Variants in MLC1 observed in about 807,000 individuals in gnomAD.
MLC1 encodes membrane protein MLC1.
MLC1 carries 32 observed loss-of-function variants against 44.7 expected under a neutral mutation model. The ratio of observed to expected loss-of-function variants is 0.72; its 90% CI spans 0.54 to 0.96. The LOEUF is 0.96. MLC1 is among the 40% of genes least tolerant of loss of function. The probability of loss-of-function intolerance (pLI) is 0.00; values close to 1 mark genes in which losing one functional copy is unlikely to be tolerated. For synonymous variants in MLC1, 190 were observed against 213.0 expected, an observed-to-expected ratio of 0.89 and a Z score of 0.94; for missense variants, 459 against 492.2, an observed-to-expected ratio of 0.93 and a Z score of 0.64.
chr22:50,070,616 GA>G, intron 8 of MLC1, 33 bp from the exon 9 acceptor site: 8 of 1,544,982 alleles, frequency 5.2e-6, no homozygotes, highest in Non-Finnish European at 7.0e-6. Flanking sequence ...GATTTTAGAG[GA>G]AATAGTCGAA....
At chr22:50,078,128 G>A (rs1399144729) in intron 5 of MLC1, among the ~76,000 whole-genome samples, 2 of 151,644 alleles carry the variant, frequency 1.3e-5, no homozygotes, top group Non-Finnish European at 2.9e-5. Context: ...AGTAAGCTGG[G>A]GTTACAGGCA....
intron 1 of MLC1, 67 bp downstream of exon 1, chr22:50,085,288 A>G (rs2062254375): frequency 4.3e-6 from 4 of 937,456 alleles, no homozygotes; most frequent in African/African-American, 1.7e-5. Context: ...AAACTGCTCC[A>G]ATTGGTAGCT....
chr22:50,077,578 C>G, intron 5 of MLC1, 76 bp from the exon 6 acceptor site: 1 of 1,231,618 alleles, frequency 8.1e-7, no homozygotes, highest in Non-Finnish European at 1.2e-6. Context: ...CACCGGACCA[C>G]CTCACGGGCA....
At chr22:50,069,515 G>C (rs546713680) in intron 9 of MLC1, among the ~76,000 whole-genome samples, 1 of 151,326 alleles carries the variant, frequency 6.6e-6, no homozygotes, top group East Asian at 2.0e-4. Flanking sequence ...GTGTGGTGGC[G>C]CATGCCTGTA....
At chr22:50,071,568 C>T (rs1044836738) in intron 8 of MLC1, among the ~76,000 whole-genome samples, 2 of 152,154 alleles carry the variant, frequency 1.3e-5, no homozygotes, top group Non-Finnish European at 2.9e-5. Flanking sequence ...GTCGGGCCTC[C>T]GTGTGGGACA....
chr22:50,078,281 G>A (rs181995608), intron 5 of MLC1, among the ~76,000 whole-genome samples: 26 of 151,784 alleles, frequency 1.7e-4, no homozygotes, highest in Middle Eastern at 6.8e-3. Flanking sequence ...GTGAGCCACC[G>A]CGCCCGGCCT....
chr22:50,070,031 G>A (rs930467963), intron 9 of MLC1, among the ~76,000 whole-genome samples: 4 of 151,940 alleles, frequency 2.6e-5, no homozygotes, highest in South Asian at 2.1e-4. Flanking sequence ...GTGAAACCCC[G>A]TCTCTACTAA....
intron 4 of MLC1, 135 bp downstream of exon 4, chr22:50,080,209 G>C (rs2062085864): frequency 8.2e-7 from 1 of 1,225,428 alleles, no homozygotes; most frequent in Non-Finnish European, 1.2e-6. Context: ...TTTACTGTCT[G>C]GGGGGCAACC....
rs371052740 is a variant in MLC1 at position 50,068,523 on chromosome 22, C to T, written c.804G>A (p.Thr268=). Residue 268 remains threonine (T), a synonymous_variant, in exon 10 of 12, where the codon ACG becomes ACA. Transcript: ENST00000311597. The part of the protein sequence containing the change: ...VEVLIAISSL[T]SPLLFTASGY... ...CAGAGGCTGTGAACAGCAGCGGAGA[C>T]GTGAGGCTGCTTATGGCAATCAGGA... 5.0e-5 allele frequency: 80 copies of T among 1,608,772 alleles called. No homozygotes were observed. The highest frequency in any genetic ancestry group is 1.1e-4 in the African/African-American group (8 of 74,708).
intron 11 of MLC1, among the ~76,000 whole-genome samples, chr22:50,062,599 G>C (rs748544707): frequency 6.6e-6 from 1 of 152,276 alleles, no homozygotes; most frequent in East Asian, 1.9e-4. Context: ...AGCGTCCTCC[G>C]GGACTTAGCG....
intron 7 of MLC1, 147 bp from the exon 8 acceptor site, chr22:50,074,479 C>G (rs759621489): frequency 6.6e-5 from 48 of 730,822 alleles, no homozygotes; most frequent in Non-Finnish European, 1.1e-4. Flanking sequence ...CTGGATGGAC[C>G]CCCAGCCTCA....
Position 50,068,469 on chromosome 22 carries a change from G to T in MLC1, c.858C>A (p.Ile286=), listed in dbSNP as rs140824687. 7.4e-6 allele frequency: 12 copies of T among 1,613,740 alleles called. No individual in the cohort carries two copies. In the African/African-American group the frequency reaches 9.3e-5, roughly 13 times the overall value. Residue 286 remains isoleucine (I), a synonymous_variant, in exon 10 of 12, where the codon ATC becomes ATA. Transcript: ENST00000311597. ...GCGGGTAATCCTTAAACATCTCCAC[G>T]ATTCTCATGATGCTGAATGACAGAT... ...SGYLSFSIMR[I]VEMFKDYPPA... is the part of the protein sequence containing the mutation.
intron 5 of MLC1, among the ~76,000 whole-genome samples, chr22:50,079,484 CCTTTGGGATTTTTGTCTTTTTT>C (rs1364030294): frequency 7.1e-6 from 1 of 141,124 alleles, no homozygotes; most frequent in Admixed American, 7.6e-5. Context: ...GTCCTGGTTT[CCTTTGGGATTTTTGTCTTTTTT>C]TTTTTTTTTT....
intron 10 of MLC1, among the ~76,000 whole-genome samples, chr22:50,067,327 C>T (rs2061724026): frequency 1.4e-5 from 2 of 147,208 alleles, no homozygotes; most frequent in South Asian, 4.5e-4. Flanking sequence ...CAGACAGTGA[C>T]TCCATTACCC....
intron 10 of MLC1, among the ~76,000 whole-genome samples, chr22:50,067,311 C>T (rs1253333900): frequency 1.3e-5 from 2 of 150,914 alleles, no homozygotes; most frequent in African/African-American, 4.9e-5. Context: ...TGACTCCATC[C>T]CCCATCAGAC....
chr22:50,064,660 T>C (rs767297772), intron 10 of MLC1, among the ~76,000 whole-genome samples: 1 of 152,094 alleles, frequency 6.6e-6, no homozygotes, highest in Non-Finnish European at 1.5e-5. Context: ...GCTTCACCCC[T>C]GAGCACCAGC....
rs1050917375 is a variant in MLC1, at chr22:50,059,538, A to C, written c.*2045T>G. 1 of 152,358 alleles carries C rather than the reference A, an allele frequency of 6.6e-6. No individual in the cohort carries two copies. Among genetic ancestry groups the C allele is most frequent in the Admixed American group, 6.5e-5 (1 of 15,276 alleles). 9.4% of individuals were successfully genotyped at this position (152,358 alleles called of 1,614,324 possible). Reference sequence around the variant, plus strand: ...AAGTGCAAGCCAGCAAAAACGCTCCAAGTGCCTAATTCTGACTCTGAAACT... The same window carrying C: ...AAGTGCAAGCCAGCAAAAACGCTCCCAGTGCCTAATTCTGACTCTGAAACT... On this transcript the variant is annotated 3_prime_UTR_variant, in exon 12 of 12. Coordinates refer to ENST00000311597, the MANE Select transcript of MLC1 (RefSeq NM_015166.4).
At chr22:50,078,501 G>A (rs2062037577) in intron 5 of MLC1, among the ~76,000 whole-genome samples, 1 of 151,610 alleles carries the variant, frequency 6.6e-6, no homozygotes, top group African/African-American at 2.4e-5. Context: ...CACTTTGGGG[G>A]ACCGAGGCGG....
At position 50,060,687 on chromosome 22, in the gene MLC1, T is replaced by G. The variant is rs942404624; in HGVS notation, c.*896A>C. On this transcript the variant is annotated 3_prime_UTR_variant, in exon 12 of 12. Transcript: ENST00000311597. ...GATGCAGCCCCACCCCCAAGAACAC[T>G]GCCTGTCACAGCAGCGGCCACGTGG... The G allele has an allele frequency of 2.6e-5, 4 of 152,372 alleles. No homozygotes were observed. Among genetic ancestry groups the G allele is most frequent in the African/African-American group, 7.2e-5 (3 of 41,400 alleles). 9.4% of individuals were successfully genotyped at this position (152,372 alleles called of 1,614,324 possible).
Sources: gnomAD v4.1 joint callset for allele counts (sites outside exome capture counted in the v4.1 genomes callset) on GRCh38, gnomAD v4.1.1 for gene constraint, MANE v1.5 for transcripts, NCBI Gene and HGNC (gene_info 2026-07-23, HGNC 2026-07-21) for gene names.